The following GPR149 variants were observed in gnomAD, a reference collection of about 807,000 sequenced individuals.
GPR149 encodes the protein G protein-coupled receptor 149.
In GPR149, 50 loss-of-function variants were observed where a neutral mutation model predicts 50.2. That is an observed-to-expected ratio of 1.00 (90% CI 0.79 to 1.26). The LOEUF (loss-of-function observed/expected upper bound fraction) is 1.26. Among genes scored for constraint, GPR149 ranks in the 50% most tolerant of loss-of-function variants. The pLI is 0.00. For synonymous variants in GPR149, 405 were observed against 358.2 expected (o/e 1.13, Z -1.48); for missense variants, 983 against 895.4 (o/e 1.10, Z -1.25).
chr3:154,353,232 T>C (rs1714128605), intron 3 of GPR149: 3 of 1,519,228 alleles, frequency 2.0e-6, no homozygotes, highest in South Asian at 2.2e-5. Flanking sequence ...CCAATGACAC[T>C]GAATGGCCAA....
intron 3 of GPR149, among the ~76,000 whole-genome samples, chr3:154,360,811 C>T (rs900548725): frequency 6.6e-6 from 1 of 152,234 alleles, no homozygotes; most frequent in East Asian, 1.9e-4. Context: ...CCTCTCTCTT[C>T]TTGGTAGTTT....
chr3:154,413,958 A>T (rs1364165692), intron 3 of GPR149, among the ~76,000 whole-genome samples: 3 of 151,378 alleles, frequency 2.0e-5, no homozygotes, highest in African/African-American at 7.3e-5. Context: ...ATATATATAT[A>T]TACATGGAAT....
intron 3 of GPR149, among the ~76,000 whole-genome samples, chr3:154,374,176 T>TTC (rs1714737535): frequency 6.9e-6 from 1 of 144,488 alleles, no homozygotes; most frequent in Non-Finnish European, 1.5e-5. Flanking sequence ...TTTCTTTTTT[T>TTC]TTTTTTTTTG....
At chr3:154,353,698 T>C in intron 3 of GPR149, 1 of 1,225,604 alleles carries the variant, frequency 8.2e-7, no homozygotes, top group Non-Finnish European at 1.2e-6. Flanking sequence ...ACAAGTACCT[T>C]TGTTGAGCAG....
At chr3:154,350,420 A>C (rs1251731479) in intron 3 of GPR149, among the ~76,000 whole-genome samples, 1 of 152,214 alleles carries the variant, frequency 6.6e-6, no homozygotes, top group Non-Finnish European at 1.5e-5. Flanking sequence ...CTTGGACATC[A>C]AAATAAAAAA....
At chr3:154,352,414 C>A in intron 3 of GPR149, 1 of 930,722 alleles carries the variant, frequency 1.1e-6, no homozygotes, top group Non-Finnish European at 1.8e-6. Flanking sequence ...TGCCACACTG[C>A]CTGTAACCTT....
intron 3 of GPR149, among the ~76,000 whole-genome samples, chr3:154,351,414 A>G (rs1714079551): frequency 6.6e-6 from 1 of 151,762 alleles, no homozygotes; most frequent in South Asian, 2.1e-4. Flanking sequence ...CTTAAATGTA[A>G]AATGTAAAAC....
In GPR149 at chr3:154,406,055, G is replaced by T. The variant is rs985928251; in HGVS notation, c.1623+14984C>A. On this transcript the variant is annotated intron_variant, in intron 3 of 3. Transcript: ENST00000389740. Reference sequence around the variant, plus strand: ...AGAACTAATATTTCTAATATGTAAAGAACTCTTAAAAATTAGAAGATGAAG... The same window carrying T: ...AGAACTAATATTTCTAATATGTAAATAACTCTTAAAAATTAGAAGATGAAG... Among the ~76,000 whole-genome samples the T allele has an allele frequency of 2.6e-5, 4 of 151,622 alleles. No homozygotes were observed. The East Asian group carries it at 7.7e-4, about 29-fold the overall frequency.
At chr3:154,351,311 T>TGCAAAAAAAAAAAAAAAAAAA (rs1341107044) in intron 3 of GPR149, among the ~76,000 whole-genome samples, 1 of 19,680 alleles carries the variant, frequency 5.1e-5, no homozygotes, top group Non-Finnish European at 8.8e-5. Context: ...GACATCCACA[T>TGCAAAAAAAAAAAAAAAAAAA]ACAAAAAAAA....
chr3:154,338,521 G>C (rs370919800), intron 3 of GPR149, among the ~76,000 whole-genome samples: 2 of 152,200 alleles, frequency 1.3e-5, no homozygotes, highest in South Asian at 4.1e-4. Context: ...TATTTCCCCA[G>C]TTAAAGGCAA....
rs560947532 is a variant in GPR149 at position 154,382,659 on chromosome 3, T to G, written c.1623+38380A>C. 3.9e-5 allele frequency among the ~76,000 whole-genome samples: 6 copies of G among 152,352 alleles called. No homozygotes were observed. The South Asian group carries it at 1.0e-3, about 26-fold the overall frequency. On this transcript the variant is annotated intron_variant, in intron 3 of 3. Transcript: ENST00000389740. Reference sequence around the variant, plus strand: ...TAAATGCTGAAAATCACGAGTCATTTAGTTTTCTTATGAGTATGAGTATGT... The same window carrying G: ...TAAATGCTGAAAATCACGAGTCATTGAGTTTTCTTATGAGTATGAGTATGT...
intron 3 of GPR149, among the ~76,000 whole-genome samples, chr3:154,403,294 C>G (rs1711593254): frequency 6.6e-6 from 1 of 152,064 alleles, no homozygotes; most frequent in Non-Finnish European, 1.5e-5. Flanking sequence ...TTAAAGGAAG[C>G]AGGATGAAAT....
chr3:154,385,795 G>A (rs1210196785), intron 3 of GPR149, among the ~76,000 whole-genome samples: 4 of 151,574 alleles, frequency 2.6e-5, no homozygotes, highest in East Asian at 1.9e-4. Flanking sequence ...TCCACCTTCC[G>A]GGTTCACACC....
intron 3 of GPR149, among the ~76,000 whole-genome samples, chr3:154,413,461 AAAAC>A (rs370337591): frequency 3.3e-5 from 5 of 152,026 alleles, no homozygotes; most frequent in African/African-American, 9.7e-5. Flanking sequence ...CATCAAGGAA[AAAAC>A]AAACAATCCT....
chr3:154,404,552 C>T (rs1711623702), intron 3 of GPR149, among the ~76,000 whole-genome samples: 1 of 152,140 alleles, frequency 6.6e-6, no homozygotes, highest in Non-Finnish European at 1.5e-5. Context: ...TGATACTAAT[C>T]TGCCTCTGTG....
chr3:154,356,780 C>G (rs1459386392), intron 3 of GPR149, among the ~76,000 whole-genome samples: 1 of 152,020 alleles, frequency 6.6e-6, no homozygotes, highest in African/African-American at 2.4e-5. Flanking sequence ...AGATTCAATG[C>G]CATCCCCATC....
chr3:154,387,555 C>A lies in GPR149; in HGVS notation c.1623+33484G>T, dbSNP rs78080456. Reference sequence around the variant, plus strand: ...TCTGGAGCCAAGTATAGGTCAGATCCCATGTCTCCTTCAATTTTGGTAGAG... The same window carrying A: ...TCTGGAGCCAAGTATAGGTCAGATCACATGTCTCCTTCAATTTTGGTAGAG... On this transcript the variant is annotated intron_variant, in intron 3 of 3. Coordinates refer to ENST00000389740, the MANE Select transcript of GPR149 (RefSeq NM_001038705.3). 6.0e-3 allele frequency among the ~76,000 whole-genome samples: 916 copies of A among 152,202 alleles called. 1 individual carries two copies. Among genetic ancestry groups the A allele is most frequent in the Non-Finnish European group, 0.01 (713 of 68,006 alleles).
At position 154,335,671 on chromosome 3, in the gene GPR149, G is replaced by A. The variant is rs1012211662; in HGVS notation, c.*2028C>T. On this transcript the variant is annotated 3_prime_UTR_variant, in exon 4 of 4. Transcript: ENST00000389740. ...TTGTCCAGTTAAAATAAAATGAGAC[G>A]GAAAATGGGTATTATTGTCTTCTAT... The A allele has an allele frequency of 2.3e-4, 35 of 151,974 alleles. No homozygotes were observed. The highest frequency in any genetic ancestry group is 8.2e-4 in the African/African-American group (34 of 41,380). 9.4% of individuals were successfully genotyped at this position (151,974 alleles called of 1,614,324 possible). A position where few individuals can be genotyped will look rare whatever the true frequency, so the allele number is the denominator to read the frequency against.
chr3:154,364,234 A>C (rs993771199), intron 3 of GPR149, among the ~76,000 whole-genome samples: 26 of 152,320 alleles, frequency 1.7e-4, no homozygotes, highest in African/African-American at 6.0e-4. Flanking sequence ...ACCTTTCAAA[A>C]GTCATACTTC....
Sources: allele counts gnomAD v4.1 joint callset (sites outside exome capture counted in the v4.1 genomes callset), GRCh38; gene constraint gnomAD v4.1.1; transcripts MANE v1.5; gene names NCBI Gene and HGNC (gene_info 2026-07-23, HGNC 2026-07-21).